The following RBFOX1 variants were observed in gnomAD, a reference collection of about 807,000 sequenced individuals.
RBFOX1 encodes the protein RNA binding fox-1 homolog 1.
In RBFOX1, 8 loss-of-function variants were observed where a neutral mutation model predicts 57.7. The observed-to-expected ratio is 0.14, with a 90% CI of 0.08 to 0.25. The LOEUF is 0.25. RBFOX1 is among the 10% of genes least tolerant of loss of function. RBFOX1 has a pLI of 1.00. For synonymous variants in RBFOX1, 326 were observed against 222.4 expected (o/e 1.47, Z -4.15); for missense variants, 611 against 548.5 (o/e 1.11, Z -1.14).
intron 3 of RBFOX1, among the ~76,000 whole-genome samples, chr16:7,008,270 G>C (rs958725058): frequency 2.0e-5 from 3 of 152,072 alleles, no homozygotes; most frequent in Non-Finnish European, 4.4e-5. Flanking sequence ...GGCCAGGTGC[G>C]GTGGCTTATA....
intron 4 of RBFOX1, among the ~76,000 whole-genome samples, chr16:6,007,256 T>G (rs911846259): frequency 1.3e-5 from 2 of 152,192 alleles, no homozygotes; most frequent in African/African-American, 2.4e-5. Flanking sequence ...GACTGAGTCA[T>G]AAGAAGAAGT....
At chr16:7,675,855 G>C (rs543959473) in intron 13 of RBFOX1, among the ~76,000 whole-genome samples, 2 of 152,170 alleles carry the variant, frequency 1.3e-5, no homozygotes, top group African/African-American at 2.4e-5. Flanking sequence ...GCGGACACTG[G>C]ATCCTGTTTA....
intron 3 of RBFOX1, among the ~76,000 whole-genome samples, chr16:5,710,306 T>C (rs1188669089): frequency 6.6e-6 from 1 of 152,152 alleles, no homozygotes; most frequent in East Asian, 1.9e-4. Context: ...TTGGCAACCA[T>C]GCTTTTGTTT....
intron 4 of RBFOX1, among the ~76,000 whole-genome samples, chr16:7,237,638 C>G (rs1297046248): frequency 6.6e-6 from 1 of 152,140 alleles, no homozygotes; most frequent in Non-Finnish European, 1.5e-5. Context: ...TTTCTCAAGC[C>G]AAGCGTCCAT....
intron 3 of RBFOX1, among the ~76,000 whole-genome samples, chr16:6,660,204 A>G (rs1311838869): frequency 1.3e-5 from 2 of 151,420 alleles, no homozygotes; most frequent in African/African-American, 2.4e-5. Flanking sequence ...AGCCTGGGCA[A>G]TAAGAGTGAG....
At chr16:6,308,745 A>G (rs1403971560) in intron 1 of RBFOX1, among the ~76,000 whole-genome samples, 3 of 152,210 alleles carry the variant, frequency 2.0e-5, no homozygotes, top group African/African-American at 4.8e-5. Flanking sequence ...TCGACCAGGT[A>G]TCAGGAGTTG....
intron 3 of RBFOX1, among the ~76,000 whole-genome samples, chr16:6,991,230 G>A (rs758564333): frequency 5.3e-5 from 8 of 151,630 alleles, no homozygotes; most frequent in Non-Finnish European, 5.9e-5. Flanking sequence ...AGCCTGGGAG[G>A]CAGAGGTTGC....
intron 4 of RBFOX1, among the ~76,000 whole-genome samples, chr16:7,388,514 C>T (rs1026987043): frequency 3.9e-5 from 6 of 151,978 alleles, no homozygotes; most frequent in African/African-American, 1.2e-4. Context: ...TTGTTTCATC[C>T]CCTTCCCTGA....
chr16:6,293,952 A>T (rs2077773260), intron 1 of RBFOX1, among the ~76,000 whole-genome samples: 1 of 149,144 alleles, frequency 6.7e-6, no homozygotes, highest in African/African-American at 2.5e-5. Context: ...AGTAAAGGAA[A>T]AACATTTCAG....
intron 2 of RBFOX1, among the ~76,000 whole-genome samples, chr16:6,648,598 C>A (rs774416108): frequency 1.3e-5 from 2 of 152,162 alleles, no homozygotes; most frequent in African/African-American, 4.8e-5. Context: ...GCCACATCCC[C>A]TGGAGGGCTT....
intron 3 of RBFOX1, chr16:6,723,678 T>C (rs1413880607): frequency 6.6e-6 from 1 of 152,210 alleles, no homozygotes; most frequent in Admixed American, 6.5e-5. Flanking sequence ...GAGCAAATAG[T>C]CTGATTTTGA....
At chr16:7,223,737 A>G (rs2092906690) in intron 4 of RBFOX1, among the ~76,000 whole-genome samples, 1 of 151,502 alleles carries the variant, frequency 6.6e-6, no homozygotes, top group Admixed American at 6.6e-5. Context: ...AAAAAGAAAA[A>G]GAAATGAGCA....
At chr16:7,050,213 T>C (rs1337636942) in intron 3 of RBFOX1, among the ~76,000 whole-genome samples, 2 of 151,598 alleles carry the variant, frequency 1.3e-5, no homozygotes, top group Non-Finnish European at 2.9e-5. Flanking sequence ...TTTTGGAATA[T>C]TTCTCCCAGT....
rs78513960 is a variant in RBFOX1 at position 7,228,118 on chromosome 16, A to T, written c.27+176020A>T. On this transcript the variant is annotated intron_variant, in intron 4 of 15. Coordinates refer to ENST00000550418, the MANE Select transcript of RBFOX1 (RefSeq NM_018723.4). ...GGTTAAGAATCACTATCTTACAGGA[A>T]GGTGGCAAAGATGAGAGTATCAGAC... 1.2e-3 allele frequency among the ~76,000 whole-genome samples: 176 copies of T among 152,268 alleles called. 3 individuals are homozygous for T. The East Asian group carries it at 0.031, about 27-fold the overall frequency.
At chr16:5,284,679 T>C (rs1318387398) in intron 1 of RBFOX1, among the ~76,000 whole-genome samples, 1 of 151,064 alleles carries the variant, frequency 6.6e-6, no homozygotes, top group African/African-American at 2.4e-5. Context: ...TTCTCTGGAA[T>C]TGTATATGTG....
At chr16:6,193,063 T>C (rs907492197) in intron 1 of RBFOX1, among the ~76,000 whole-genome samples, 6 of 151,976 alleles carry the variant, frequency 3.9e-5, no homozygotes, top group African/African-American at 1.5e-4. Flanking sequence ...ATTAAAGCAG[T>C]TTGTGACGTA....
chr16:7,482,142 A>G (rs2064122397), intron 4 of RBFOX1, among the ~76,000 whole-genome samples: 1 of 152,190 alleles, frequency 6.6e-6, no homozygotes, highest in African/African-American at 2.4e-5. Flanking sequence ...CATAACAATA[A>G]TATTTTGTAG....
At chr16:7,691,876 G>C (rs1222311832) in intron 14 of RBFOX1, among the ~76,000 whole-genome samples, 2 of 152,032 alleles carry the variant, frequency 1.3e-5, no homozygotes, top group Non-Finnish European at 2.9e-5. Flanking sequence ...AAATCATGTC[G>C]CCATTCTTGC....
At chr16:6,381,410 A>G (rs937062419) in intron 2 of RBFOX1, among the ~76,000 whole-genome samples, 4 of 152,100 alleles carry the variant, frequency 2.6e-5, no homozygotes, top group Non-Finnish European at 4.4e-5. Context: ...GCTCCCAGTT[A>G]TAACTAGAGA....
Sources: gnomAD v4.1 joint callset for allele counts (sites outside exome capture counted in the v4.1 genomes callset) on GRCh38, gnomAD v4.1.1 for gene constraint, MANE v1.5 for transcripts, NCBI Gene and HGNC (gene_info 2026-07-23, HGNC 2026-07-21) for gene names.